The following STEAP1B variants were observed in gnomAD, a reference collection of about 807,000 sequenced individuals.
STEAP1B encodes STEAP family member 1B.
Under a neutral mutation model 27.9 loss-of-function variants are expected in STEAP1B, and 13 were observed. The observed-to-expected ratio is 0.47, with a 90% CI of 0.30 to 0.74. The LOEUF (loss-of-function observed/expected upper bound fraction) is 0.74, where lower values mean the gene tolerates loss of function less well. STEAP1B is among the 30% of genes least tolerant of loss of function. The pLI is 0.06. For synonymous variants in STEAP1B, 86 were observed against 107.1 expected, an observed-to-expected ratio of 0.80 and a Z score of 1.22; for missense variants, 250 against 298.7, an observed-to-expected ratio of 0.84 and a Z score of 1.20.
chr7:22,423,856 C>A (rs1785074147), intron 4 of STEAP1B, among the ~76,000 whole-genome samples: 1 of 152,116 alleles, frequency 6.6e-6, no homozygotes, highest in African/African-American at 2.4e-5. Context: ...CAGGGAGACC[C>A]TGTCTGTACA....
In STEAP1B at chr7:22,492,657, T is replaced by C; in HGVS notation, c.670A>G (p.Ile224Val). 3.1e-6 allele frequency: 5 copies of C among 1,613,662 alleles called. No homozygotes were observed. The highest frequency in any genetic ancestry group is 4.2e-6 in the Non-Finnish European group (5 of 1,179,736). Residue 224 changes from isoleucine to valine, a missense_variant, in exon 4 of 5, where the codon ATT (isoleucine) becomes GTT (valine). Physicochemically the swap from Ile to Val is conservative, Grantham distance 29. Coordinates refer to ENST00000678116, the MANE Select transcript of STEAP1B (RefSeq NM_001382447.1). ...AGAGCCAGTATTGCCAGTCCCACAA[T>C]TCCCAGAGACACATAAATCTCCATT... ...WRMEIYVSLG[I>V]VGLAILALLA...
intron 4 of STEAP1B, among the ~76,000 whole-genome samples, chr7:22,463,374 T>C (rs1391947033): frequency 1.3e-5 from 2 of 152,066 alleles, no homozygotes; most frequent in Non-Finnish European, 2.9e-5. Flanking sequence ...AAAATGGCCA[T>C]ACTGCCCAAG....
intron 4 of STEAP1B, among the ~76,000 whole-genome samples, chr7:22,470,751 T>C (rs930279761): frequency 1.3e-5 from 2 of 152,160 alleles, no homozygotes; most frequent in Non-Finnish European, 2.9e-5. Flanking sequence ...GTGAGGTTAA[T>C]TTCTTAGTTT....
chr7:22,438,448 G>C (rs1785281982), intron 4 of STEAP1B: 15 of 1,525,790 alleles, frequency 9.8e-6, no homozygotes, highest in Middle Eastern at 3.9e-4. Flanking sequence ...AAGTATGTAA[G>C]ATGTATGAGC....
chr7:22,434,583 A>G (rs1206961595), intron 4 of STEAP1B, among the ~76,000 whole-genome samples: 1 of 151,404 alleles, frequency 6.6e-6, no homozygotes, highest in Non-Finnish European at 1.5e-5. Context: ...TATAGTTTGC[A>G]ATAAAGAAAA....
chr7:22,435,366 G>C (rs572029240), intron 4 of STEAP1B, among the ~76,000 whole-genome samples: 1 of 151,994 alleles, frequency 6.6e-6, no homozygotes, highest in South Asian at 2.1e-4. Flanking sequence ...ACAGAGAAAA[G>C]CTGGAGGGAC....
At chr7:22,496,261 A>G (rs1459524003) in intron 1 of STEAP1B, among the ~76,000 whole-genome samples, 1 of 152,254 alleles carries the variant, frequency 6.6e-6, no homozygotes, top group African/African-American at 2.4e-5. Flanking sequence ...GTATGGCTGT[A>G]CAATGTGACG....
At position 22,446,364 on chromosome 7, in the gene STEAP1B, G is replaced by A. The variant is rs919515499; in HGVS notation, c.763-26528C>T. ...TGCAAGACAATGCCCTATGCCAGTG[G>A]TTCACAAAGTGAGGTCCCCAACCTG... On this transcript the variant is annotated intron_variant, in intron 4 of 4. Coordinates refer to ENST00000678116, the MANE Select transcript of STEAP1B (RefSeq NM_001382447.1). Among the ~76,000 whole-genome samples, 21 of 152,210 alleles carry A rather than the reference G, an allele frequency of 1.4e-4. 1 individual carries two copies. Among genetic ancestry groups the A allele is most frequent in the Admixed American group, 4.6e-4 (7 of 15,278 alleles).
At chr7:22,471,366 C>A (rs993401930) in intron 4 of STEAP1B, among the ~76,000 whole-genome samples, 46 of 152,246 alleles carry the variant, frequency 3.0e-4, no homozygotes, top group Middle Eastern at 6.8e-3. Flanking sequence ...GAAAATGACT[C>A]CGATCCCTGA....
intron 4 of STEAP1B, among the ~76,000 whole-genome samples, chr7:22,430,220 C>T (rs534476357): frequency 1.3e-5 from 2 of 152,278 alleles, no homozygotes; most frequent in Middle Eastern, 3.4e-3. Context: ...TGAAATTCAA[C>T]CTGTGTGACT....
intron 4 of STEAP1B, among the ~76,000 whole-genome samples, chr7:22,455,545 A>G (rs3114723): frequency 0.53 from 80,426 of 151,996 alleles, 21,592 homozygotes; most frequent in East Asian, 0.59. Flanking sequence ...CAAACTCGTT[A>G]AAGTCCACTC....
At chr7:22,434,100 A>G (rs1448491435) in intron 4 of STEAP1B, among the ~76,000 whole-genome samples, 1 of 152,236 alleles carries the variant, frequency 6.6e-6, no homozygotes, top group Non-Finnish European at 1.5e-5. Flanking sequence ...ACAAAAGGCC[A>G]AGGATGCAGA....
chr7:22,438,843 C>A, intron 4 of STEAP1B: 1 of 1,347,158 alleles, frequency 7.4e-7, no homozygotes, highest in Non-Finnish European at 9.7e-7. Flanking sequence ...AATGAGAAAA[C>A]TGAATACTCT....
intron 4 of STEAP1B, among the ~76,000 whole-genome samples, chr7:22,464,948 C>CACATATATATATAT (rs1554286209): frequency 2.2e-5 from 1 of 45,012 alleles, no homozygotes; most frequent in African/African-American, 5.6e-5. Context: ...TACCAAACCC[C>CACATATATATATAT]ATATATATAT....
intron 4 of STEAP1B, among the ~76,000 whole-genome samples, chr7:22,459,010 A>C (rs953682885): frequency 8.5e-5 from 13 of 152,212 alleles, no homozygotes; most frequent in Non-Finnish European, 1.8e-4. Flanking sequence ...AGCCAAAAAT[A>C]GAACAAAAAT....
intron 4 of STEAP1B, among the ~76,000 whole-genome samples, chr7:22,461,622 GTT>G (rs1309379312): frequency 2.0e-5 from 3 of 152,172 alleles, no homozygotes; most frequent in Non-Finnish European, 4.4e-5. Context: ...CCCCAAAGCA[GTT>G]ACAGGTCATT....
intron 4 of STEAP1B, among the ~76,000 whole-genome samples, chr7:22,471,768 T>G (rs1174701725): frequency 6.6e-6 from 1 of 151,932 alleles, no homozygotes; most frequent in Non-Finnish European, 1.5e-5. Flanking sequence ...CCAGATGTGG[T>G]GCTACATACT....
intron 4 of STEAP1B, among the ~76,000 whole-genome samples, chr7:22,483,985 A>G (rs1390498195): frequency 6.6e-6 from 1 of 152,234 alleles, no homozygotes; most frequent in African/African-American, 2.4e-5. Flanking sequence ...AAAGTTCTTC[A>G]GGTCTGTGAA....
chr7:22,466,956 G>A (rs1785795552), intron 4 of STEAP1B, among the ~76,000 whole-genome samples: 1 of 152,188 alleles, frequency 6.6e-6, no homozygotes, highest in Non-Finnish European at 1.5e-5. Context: ...CTGCCTCCCA[G>A]GGCTGCTGTA....
Sources: allele counts gnomAD v4.1 joint callset (sites outside exome capture counted in the v4.1 genomes callset), GRCh38; gene constraint gnomAD v4.1.1; transcripts MANE v1.5; gene names NCBI Gene and HGNC (gene_info 2026-07-23, HGNC 2026-07-21).